CLDN16: variants seen among roughly 807,000 people sequenced by gnomAD.
CLDN16 encodes claudin 16, also known as claudin-16.
Under a neutral mutation model 24.6 loss-of-function variants are expected in CLDN16, and 13 were observed. The ratio of observed to expected loss-of-function variants is 0.53; its 90% CI spans 0.34 to 0.84. CLDN16 has a LOEUF of 0.84. CLDN16 is among the 40% of genes least tolerant of loss of function. The probability of loss-of-function intolerance (pLI) is 0.01; values close to 1 mark genes in which losing one functional copy is unlikely to be tolerated. For missense variants in CLDN16, 298 were observed against 292.7 expected (o/e 1.02, Z -0.13); for synonymous variants, 116 against 106.7 (o/e 1.09, Z -0.54).
chr3:190,368,341 T>A (rs962290214), intron 1 of CLDN16, among the ~76,000 whole-genome samples: 9 of 151,922 alleles, frequency 5.9e-5, no homozygotes, highest in African/African-American at 2.2e-4. Context: ...CCAACAATGA[T>A]GGAGTAGAAT....
intron 1 of CLDN16, among the ~76,000 whole-genome samples, chr3:190,328,128 A>C (rs932750232): frequency 6.6e-6 from 1 of 152,016 alleles, no homozygotes; most frequent in Non-Finnish European, 1.5e-5. Context: ...CAAAAAAAAA[A>C]AAATAGCTAG....
At chr3:190,306,168 TTA>T in the CLDN16 span, 2 of 152,222 alleles carry the variant, frequency 1.3e-5, no homozygotes, top group African/African-American at 2.4e-5. Context: ...AGATAGCACC[TTA>T]TGAGTTATTA....
chr3:190,405,428 G>GA (rs542527344), intron 3 of CLDN16, among the ~76,000 whole-genome samples: 28,458 of 80,384 alleles, frequency 0.35, 4,469 homozygotes, highest in East Asian at 0.46. Flanking sequence ...CCGTCTCACG[G>GA]AAAAAAAAAA....
At chr3:190,407,048 C>A (rs1437543527) in intron 3 of CLDN16, among the ~76,000 whole-genome samples, 1 of 151,914 alleles carries the variant, frequency 6.6e-6, no homozygotes, top group Non-Finnish European at 1.5e-5. Context: ...CCTATCTGCT[C>A]CTTCTTAAAG....
Position 190,410,144 on chromosome 3 carries a change from T to A in CLDN16, c.*108T>A. ...CAGTTATTTAGAATTCATATTGAATTAAATTAATTGCTAGCTTAATCAAAA... is the reference window on the plus strand; with the variant it reads ...CAGTTATTTAGAATTCATATTGAATAAAATTAATTGCTAGCTTAATCAAAA... On this transcript the variant is annotated 3_prime_UTR_variant, in exon 5 of 5. Transcript: ENST00000264734. 8.0e-7 allele frequency: 1 copy of A among 1,242,762 alleles called. No homozygotes were observed. The highest frequency in any genetic ancestry group is 1.2e-6 in the Non-Finnish European group (1 of 848,090). The allele number at this position is 1,242,762 out of a possible 1,614,324, so 77.0% of individuals were successfully genotyped here.
chr3:190,357,090 CAAATT>C (rs1276853748), intron 1 of CLDN16, among the ~76,000 whole-genome samples: 3 of 151,856 alleles, frequency 2.0e-5, no homozygotes, highest in Non-Finnish European at 4.4e-5. Context: ...TAAAGGTACT[CAAATT>C]AATCACAGTC....
intron 1 of CLDN16, among the ~76,000 whole-genome samples, chr3:190,324,454 G>A (rs563949624): frequency 1.3e-5 from 2 of 152,326 alleles, no homozygotes; most frequent in South Asian, 2.1e-4. Flanking sequence ...CTGCACTCCA[G>A]CCTGGGCAAC....
chr3:190,410,258 T>C lies in CLDN16; in HGVS notation c.*222T>C. 1.8e-6 allele frequency: 1 copy of C among 544,552 alleles called. No homozygotes were observed. 33.7% of individuals were successfully genotyped at this position (544,552 alleles called of 1,614,324 possible). The stretch of plus-strand genomic sequence containing the variant: ...AACCTTCCACCTTATGCACACACTT[T>C]CCCTATATTTTAAGATAAGTCTGCT... On this transcript the variant is annotated 3_prime_UTR_variant, in exon 5 of 5. Transcript: ENST00000264734.
intron 3 of CLDN16, among the ~76,000 whole-genome samples, chr3:190,378,686 T>A (rs957244904): frequency 6.6e-6 from 1 of 152,000 alleles, no homozygotes; most frequent in Admixed American, 6.6e-5. Flanking sequence ...AACTTGTTCC[T>A]GAATAAGTGC....
intron 1 of CLDN16, among the ~76,000 whole-genome samples, chr3:190,332,312 A>G (rs2108623749): frequency 6.6e-6 from 1 of 152,334 alleles, no homozygotes; most frequent in Non-Finnish European, 1.5e-5. Context: ...AGTTCTGATT[A>G]TATGTAATGA....
chr3:190,292,742 A>G, the CLDN16 span, among the ~76,000 whole-genome samples: 1 of 152,222 alleles, frequency 6.6e-6, no homozygotes, highest in Non-Finnish European at 1.5e-5. Flanking sequence ...AAATGCCACC[A>G]GTCTCTTTGC....
chr3:190,339,759 C>T (rs6768349), intron 1 of CLDN16, among the ~76,000 whole-genome samples: 9 of 152,170 alleles, frequency 5.9e-5, no homozygotes, highest in Middle Eastern at 6.8e-3. Flanking sequence ...ACTACTCCTG[C>T]GGAGCTTGTA....
At chr3:190,340,608 A>G (rs112180885) in intron 1 of CLDN16, among the ~76,000 whole-genome samples, 5,968 of 152,204 alleles carry the variant, frequency 0.039, 396 homozygotes, top group African/African-American at 0.13. Context: ...TTGGGTGGGG[A>G]CACAACCAAA....
chr3:190,333,698 T>C (rs16865394), intron 1 of CLDN16, among the ~76,000 whole-genome samples: 2,198 of 152,244 alleles, frequency 0.014, 56 homozygotes, highest in African/African-American at 0.048. Flanking sequence ...GTGGAGTTCT[T>C]TCTCTGATAA....
intron 1 of CLDN16, among the ~76,000 whole-genome samples, chr3:190,392,911 T>C (rs1718717028): frequency 6.6e-6 from 1 of 152,208 alleles, no homozygotes; most frequent in Non-Finnish European, 1.5e-5. Context: ...ACATGTATTT[T>C]AGAAAGATTA....
At chr3:190,352,309 T>C (rs1245749455) in intron 1 of CLDN16, among the ~76,000 whole-genome samples, 4 of 152,124 alleles carry the variant, frequency 2.6e-5, no homozygotes, top group African/African-American at 9.7e-5. Flanking sequence ...GCCTGGTACA[T>C]ATAAATTCTC....
chr3:190,349,690 G>T (rs1044002004), intron 1 of CLDN16, among the ~76,000 whole-genome samples: 3 of 152,152 alleles, frequency 2.0e-5, no homozygotes, highest in African/African-American at 7.2e-5. Flanking sequence ...AAATGATAGT[G>T]TGCCAGTTCT....
At chr3:190,331,578 A>G (rs184518703) in intron 1 of CLDN16, among the ~76,000 whole-genome samples, 2 of 152,324 alleles carry the variant, frequency 1.3e-5, no homozygotes, top group Non-Finnish European at 2.9e-5. Context: ...CATACTGGCA[A>G]TGCAGATATA....
upstream of CLDN16, among the ~76,000 whole-genome samples, chr3:190,320,314 C>T (rs916657339): frequency 7.2e-5 from 11 of 152,290 alleles, no homozygotes; most frequent in Admixed American, 2.6e-4. Flanking sequence ...AGTGAGACCT[C>T]TCTGGAATTG....
Sources: gnomAD v4.1 joint callset for allele counts (sites outside exome capture counted in the v4.1 genomes callset) on GRCh38, gnomAD v4.1.1 for gene constraint, MANE v1.5 for transcripts, NCBI Gene and HGNC (gene_info 2026-07-23, HGNC 2026-07-21) for gene names.